HS6ST3: variants seen among roughly 807,000 people sequenced by gnomAD.
HS6ST3 encodes the protein heparan-sulfate 6-O-sulfotransferase 3.
In HS6ST3, 12 loss-of-function variants were observed where a neutral mutation model predicts 36.7. The observed-to-expected ratio is 0.33, with a 90% CI of 0.21 to 0.53. The LOEUF is 0.53. Among genes scored for constraint, HS6ST3 ranks in the 20% least tolerant of loss-of-function variants. The pLI, the probability that HS6ST3 is intolerant of heterozygous loss-of-function variation, is 0.95. For synonymous variants in HS6ST3, 240 were observed against 257.5 expected (o/e 0.93, Z 0.65); for missense variants, 584 against 640.9 (o/e 0.91, Z 0.96).
At chr13:96,553,606 T>C (rs1183906967) in intron 1 of HS6ST3, among the ~76,000 whole-genome samples, 1 of 151,752 alleles carries the variant, frequency 6.6e-6, no homozygotes. Flanking sequence ...TCTCTTGGCG[T>C]TTAGGACAAG....
intron 1 of HS6ST3, among the ~76,000 whole-genome samples, chr13:96,103,626 A>C (rs2053827887): frequency 6.6e-6 from 1 of 152,206 alleles, no homozygotes; most frequent in Admixed American, 6.5e-5. Context: ...ATTATACAGT[A>C]CTGTGCTATA....
chr13:96,494,380 C>T (rs1283273229), intron 1 of HS6ST3, among the ~76,000 whole-genome samples: 26 of 107,796 alleles, frequency 2.4e-4, no homozygotes, highest in East Asian at 1.6e-3. Context: ...CATCACACAC[C>T]GGGGCCTGTT....
At chr13:96,636,774 A>G (rs1429891053) in intron 1 of HS6ST3, among the ~76,000 whole-genome samples, 1 of 152,144 alleles carries the variant, frequency 6.6e-6, no homozygotes, top group Non-Finnish European at 1.5e-5. Context: ...CATTTGGAAA[A>G]TTGTGTTTTA....
intron 1 of HS6ST3, among the ~76,000 whole-genome samples, chr13:96,218,849 A>G (rs968618498): frequency 3.9e-5 from 6 of 151,994 alleles, no homozygotes; most frequent in Admixed American, 3.9e-4. Flanking sequence ...CATCTCTGCT[A>G]TTAGTTTTGT....
At chr13:96,391,905 C>A (rs2055397725) in intron 1 of HS6ST3, among the ~76,000 whole-genome samples, 1 of 152,200 alleles carries the variant, frequency 6.6e-6, no homozygotes. Context: ...TCTACCCTGT[C>A]TATGTCACTG....
At position 96,130,063 on chromosome 13, in the gene HS6ST3, G is replaced by A. The variant is rs1195420838; in HGVS notation, c.707+38494G>A. The stretch of plus-strand genomic sequence containing the variant: ...TAAATAATTCAGCTCTGTATTTAGA[G>A]AGGGGAAGATAATAGCAAAGAGTTT... On this transcript the variant is annotated intron_variant, in intron 1 of 1. Coordinates refer to ENST00000376705, the MANE Select transcript of HS6ST3 (RefSeq NM_153456.4). Among the ~76,000 whole-genome samples the A allele has an allele frequency of 2.0e-5, 3 of 152,304 alleles. No homozygotes were observed. The East Asian group carries it at 5.8e-4, about 29-fold the overall frequency.
At chr13:96,680,297 A>G (rs1220913064) in intron 1 of HS6ST3, among the ~76,000 whole-genome samples, 5 of 152,152 alleles carry the variant, frequency 3.3e-5, no homozygotes, top group Non-Finnish European at 5.9e-5. Flanking sequence ...CCCTCCACTC[A>G]ACCCAAAAAG....
chr13:96,553,428 C>G (rs1265116851), intron 1 of HS6ST3, among the ~76,000 whole-genome samples: 2 of 152,054 alleles, frequency 1.3e-5, no homozygotes, highest in Non-Finnish European at 2.9e-5. Context: ...TATGAATGGT[C>G]CAGAAGACCA....
chr13:96,313,040 G>A (rs534165891), intron 1 of HS6ST3, among the ~76,000 whole-genome samples: 94 of 150,218 alleles, frequency 6.3e-4, no homozygotes, highest in Admixed American at 1.5e-3. Flanking sequence ...CTCTTTTTCA[G>A]TAAAAATATT....
intron 1 of HS6ST3, among the ~76,000 whole-genome samples, chr13:96,807,124 A>T (rs894960798): frequency 6.6e-6 from 1 of 152,224 alleles, no homozygotes; most frequent in Non-Finnish European, 1.5e-5. Context: ...CTTCTGAAGA[A>T]TACGGGAGCT....
chr13:96,676,715 G>T (rs2056699993), intron 1 of HS6ST3, among the ~76,000 whole-genome samples: 1 of 152,102 alleles, frequency 6.6e-6, no homozygotes, highest in East Asian at 1.9e-4. Context: ...AATTATTTAT[G>T]AACATGTTCC....
chr13:96,757,241 A>G (rs996704133), intron 1 of HS6ST3, among the ~76,000 whole-genome samples: 6 of 152,230 alleles, frequency 3.9e-5, no homozygotes, highest in Admixed American at 6.5e-5. Context: ...CAAGGGTGGC[A>G]TCCCAAATAT....
At chr13:96,223,044 G>C (rs1264944700) in intron 1 of HS6ST3, among the ~76,000 whole-genome samples, 1 of 152,218 alleles carries the variant, frequency 6.6e-6, no homozygotes, top group Admixed American at 6.5e-5. Context: ...TGCATAATAT[G>C]CCTTAGTATG....
At chr13:96,351,263 G>T (rs2055182069) in intron 1 of HS6ST3, among the ~76,000 whole-genome samples, 1 of 151,044 alleles carries the variant, frequency 6.6e-6, no homozygotes, top group South Asian at 2.1e-4. Flanking sequence ...AGGTTATGAG[G>T]TTATAAAATA....
chr13:96,519,650 G>T (rs2056085819), intron 1 of HS6ST3, among the ~76,000 whole-genome samples: 1 of 152,342 alleles, frequency 6.6e-6, no homozygotes. Flanking sequence ...TTAGGAGGCA[G>T]TATGGTGCAC....
rs58866585 is a variant in HS6ST3 at position 96,322,400 on chromosome 13, A to AAAAT, written c.707+230832_707+230833insAATA. On this transcript the variant is annotated intron_variant, in intron 1 of 1. Transcript: ENST00000376705. Reference sequence around the variant, plus strand: ...TCTCTCCAGAAAAAAAAAAAAAAAAAACAAGCATTATCCAGGTGTGGTGGT... The same window carrying AAAAT: ...TCTCTCCAGAAAAAAAAAAAAAAAAAAAATACAAGCATTATCCAGGTGTGGTGGT... Among the ~76,000 whole-genome samples, 16 of 140,546 alleles carry AAAAT rather than the reference A, an allele frequency of 1.1e-4. 2 individuals are homozygous for AAAAT. The highest frequency in any genetic ancestry group is 2.1e-4 in the East Asian group (1 of 4,814). The allele number at this position is 140,546 out of a possible 152,430, so 92.2% of individuals were successfully genotyped here.
At chr13:96,192,123 G>C (rs1296669308) in intron 1 of HS6ST3, among the ~76,000 whole-genome samples, 1 of 152,002 alleles carries the variant, frequency 6.6e-6, no homozygotes, top group Non-Finnish European at 1.5e-5. Flanking sequence ...TTATGGTCTT[G>C]GGCAAATTAC....
intron 1 of HS6ST3, among the ~76,000 whole-genome samples, chr13:96,238,449 G>A (rs577698038): frequency 1.3e-5 from 2 of 152,126 alleles, no homozygotes; most frequent in Non-Finnish European, 2.9e-5. Flanking sequence ...GGCCGACAAG[G>A]CTCTTTTGTT....
At chr13:96,555,095 A>G (rs926177433) in intron 1 of HS6ST3, among the ~76,000 whole-genome samples, 3 of 151,874 alleles carry the variant, frequency 2.0e-5, no homozygotes, top group Non-Finnish European at 4.4e-5. Flanking sequence ...ATATATACAT[A>G]CATACATACA....
Sources: allele counts gnomAD v4.1 joint callset (sites outside exome capture counted in the v4.1 genomes callset), GRCh38; gene constraint gnomAD v4.1.1; transcripts MANE v1.5; gene names NCBI Gene and HGNC (gene_info 2026-07-23, HGNC 2026-07-21).